DAB1: variants seen among roughly 807,000 people sequenced by gnomAD.
DAB1 encodes the protein DAB adaptor protein 1.
In DAB1, 15 loss-of-function variants were observed where a neutral mutation model predicts 64.6. The ratio of observed to expected loss-of-function variants is 0.23; its 90% CI spans 0.16 to 0.36. The LOEUF is 0.36. DAB1 is among the 10% of genes least tolerant of loss of function. The pLI is 1.00. For missense variants in DAB1, 596 were observed against 706.7 expected, an observed-to-expected ratio of 0.84 and a Z score of 1.78; for synonymous variants, 235 against 251.9, an observed-to-expected ratio of 0.93 and a Z score of 0.64.
intron 1 of DAB1, among the ~76,000 whole-genome samples, chr1:57,375,973 G>C (rs887990159): frequency 6.6e-6 from 1 of 152,158 alleles, no homozygotes; most frequent in African/African-American, 2.4e-5. Context: ...TAACTGCAGA[G>C]ACACGGACAC....
chr1:57,590,139 G>A (rs1418051995), intron 7 of DAB1, among the ~76,000 whole-genome samples: 1 of 152,018 alleles, frequency 6.6e-6, no homozygotes, highest in East Asian at 1.9e-4. Context: ...GGTTTCTAAG[G>A]CTTCTCTCCT....
intron 1 of DAB1, among the ~76,000 whole-genome samples, chr1:57,416,759 C>T (rs1684524524): frequency 6.6e-6 from 1 of 152,186 alleles, no homozygotes; most frequent in African/African-American, 2.4e-5. Flanking sequence ...AGACTGAACA[C>T]ATTTAATTCA....
chr1:57,637,257 G>C (rs1646068446), intron 7 of DAB1, among the ~76,000 whole-genome samples: 1 of 152,160 alleles, frequency 6.6e-6, no homozygotes, highest in South Asian at 2.1e-4. Flanking sequence ...GTTGGGAATT[G>C]TGCAAGCAAC....
intron 7 of DAB1, among the ~76,000 whole-genome samples, chr1:57,441,641 A>G (rs965715281): frequency 1.3e-5 from 2 of 152,134 alleles, no homozygotes; most frequent in Admixed American, 1.3e-4. Context: ...GGCGTGAGTC[A>G]CCATGTGCAG....
At chr1:57,394,523 CT>C (rs1219635290) in intron 1 of DAB1, among the ~76,000 whole-genome samples, 1 of 152,206 alleles carries the variant, frequency 6.6e-6, no homozygotes, top group Non-Finnish European at 1.5e-5. Flanking sequence ...GCACCACATT[CT>C]TTTTGTTATG....
chr1:57,549,352 AT>A (rs1644890215), intron 7 of DAB1, among the ~76,000 whole-genome samples: 1 of 152,216 alleles, frequency 6.6e-6, no homozygotes, highest in Non-Finnish European at 1.5e-5. Flanking sequence ...TCCTGTATTT[AT>A]TTGTTAGTTA....
At chr1:58,185,599 T>G (rs78092806) in intron 4 of DAB1, among the ~76,000 whole-genome samples, 1 of 152,152 alleles carries the variant, frequency 6.6e-6, no homozygotes, top group Non-Finnish European at 1.5e-5. Context: ...GAATCTTTAA[T>G]ATATGATATC....
At chr1:57,093,393 T>C (rs1306290419) in intron 4 of DAB1, among the ~76,000 whole-genome samples, 1 of 152,194 alleles carries the variant, frequency 6.6e-6, no homozygotes, top group East Asian at 1.9e-4. Flanking sequence ...TCCAGGCTAA[T>C]GCCTGAGATC....
At chr1:57,056,889 A>G (rs529343385) in intron 9 of DAB1, among the ~76,000 whole-genome samples, 1 of 152,056 alleles carries the variant, frequency 6.6e-6, no homozygotes, top group Non-Finnish European at 1.5e-5. Flanking sequence ...AGTTCGGTAG[A>G]AATACATTCG....
At chr1:57,352,135 C>T (rs368363712) in intron 1 of DAB1, among the ~76,000 whole-genome samples, 1 of 152,000 alleles carries the variant, frequency 6.6e-6, no homozygotes, top group South Asian at 2.1e-4. Context: ...ACAAGCATGA[C>T]AAGATGGAAA....
chr1:57,489,086 C>T (rs1198216530), intron 7 of DAB1, among the ~76,000 whole-genome samples: 1 of 152,216 alleles, frequency 6.6e-6, no homozygotes, highest in African/African-American at 2.4e-5. Context: ...TCTGGGCCTC[C>T]AAATCCACAA....
intron 3 of DAB1, among the ~76,000 whole-genome samples, chr1:58,459,154 C>T (rs1645219483): frequency 6.6e-6 from 1 of 152,226 alleles, no homozygotes; most frequent in Admixed American, 6.5e-5. Context: ...AAAATTAAAA[C>T]CGCCAAAGAA....
At chr1:58,152,675 T>G (rs1655009405) in intron 4 of DAB1, among the ~76,000 whole-genome samples, 1 of 152,242 alleles carries the variant, frequency 6.6e-6, no homozygotes, top group South Asian at 2.1e-4. Context: ...ACACATTTAG[T>G]GCCAGTTTTC....
At chr1:58,483,982 T>C (rs1394862127) in intron 3 of DAB1, among the ~76,000 whole-genome samples, 1 of 152,136 alleles carries the variant, frequency 6.6e-6, no homozygotes. Flanking sequence ...CACAGCTGAG[T>C]GTGGCAATGA....
chr1:57,329,660 C>CAA (rs57801886), intron 1 of DAB1, among the ~76,000 whole-genome samples: 88 of 100,952 alleles, frequency 8.7e-4, no homozygotes, highest in South Asian at 3.3e-3. Context: ...TTGTCTCTTC[C>CAA]AAAAAAAAAA....
At chr1:57,994,333 A>T (rs1646393614) in intron 5 of DAB1, among the ~76,000 whole-genome samples, 2 of 152,198 alleles carry the variant, frequency 1.3e-5, no homozygotes, top group African/African-American at 4.8e-5. Flanking sequence ...AGAGACCTTG[A>T]AGGAAGGAGG....
chr1:57,526,854 AATT>A (rs1339874861), intron 7 of DAB1, among the ~76,000 whole-genome samples: 9 of 152,174 alleles, frequency 5.9e-5, no homozygotes, highest in Non-Finnish European at 7.3e-5. Flanking sequence ...TACAAGTGCG[AATT>A]ATTATTATCT....
rs116833637 is a variant in DAB1 at position 57,484,370 on chromosome 1, C to T, written n.625+165222G>A. 4.8e-3 allele frequency among the ~76,000 whole-genome samples: 726 copies of T among 152,276 alleles called. 6 individuals are homozygous for T. Among genetic ancestry groups the T allele is most frequent in the African/African-American group, 0.017 (687 of 41,566 alleles). ...GTTGTAAATACCCCTCAGGCTGCTA[C>T]GTAGAAAACAGCTTGTGGGGAGTGG... On this transcript the variant is annotated intron_variant and non_coding_transcript_variant, in intron 7 of 20. Coordinates refer to the DAB1 transcript ENST00000485760.
chr1:57,721,359 G>T (rs1443110126), intron 6 of DAB1, among the ~76,000 whole-genome samples: 2 of 152,170 alleles, frequency 1.3e-5, no homozygotes, highest in Non-Finnish European at 2.9e-5. Flanking sequence ...AGAAGAAAAG[G>T]TGGATCTGAT....
Sources: gnomAD v4.1 joint callset for allele counts (sites outside exome capture counted in the v4.1 genomes callset) on GRCh38, gnomAD v4.1.1 for gene constraint, MANE v1.5 for transcripts, NCBI Gene and HGNC (gene_info 2026-07-23, HGNC 2026-07-21) for gene names.